The following LUZP1 variants were observed in gnomAD, a reference collection of about 807,000 sequenced individuals.
LUZP1 encodes leucine zipper protein 1.
Under a neutral mutation model 71.3 loss-of-function variants are expected in LUZP1, and 25 were observed. The ratio of observed to expected loss-of-function variants is 0.35; its 90% CI spans 0.26 to 0.49. The LOEUF is 0.49. Ranked by LOEUF, LUZP1 falls within the 20% of genes least tolerant of loss-of-function variation. LUZP1 has a pLI of 0.99. For synonymous variants in LUZP1, 481 were observed against 506.4 expected, an observed-to-expected ratio of 0.95 and a Z score of 0.67; for missense variants, 1,142 against 1,300.8, an observed-to-expected ratio of 0.88 and a Z score of 1.88.
chr1:23,159,340 C>CA (rs1007804194), intron 2 of LUZP1, among the ~76,000 whole-genome samples: 43 of 145,980 alleles, frequency 2.9e-4, no homozygotes, highest in Non-Finnish European at 4.2e-4. Context: ...GACTCTGTCT[C>CA]AAAAAAAAAA....
chr1:23,172,735 G>A (rs1015287679), intron 1 of LUZP1, among the ~76,000 whole-genome samples: 8 of 151,840 alleles, frequency 5.3e-5, no homozygotes, highest in East Asian at 3.9e-4. Flanking sequence ...GGCTGGTCTC[G>A]AATGCCTGGG....
chr1:23,108,115 C>CTCTT (rs1643998380), intron 3 of LUZP1, among the ~76,000 whole-genome samples: 1 of 152,228 alleles, frequency 6.6e-6, no homozygotes, highest in Non-Finnish European at 1.5e-5. Flanking sequence ...TCACTTCTAT[C>CTCTT]TCTTCTATTT....
intron 2 of LUZP1, among the ~76,000 whole-genome samples, chr1:23,119,970 C>T (rs916566694): frequency 1.3e-5 from 2 of 151,298 alleles, no homozygotes; most frequent in South Asian, 4.2e-4. Flanking sequence ...AAGACAGAGT[C>T]GTGCTCTGTC....
intron 2 of LUZP1, among the ~76,000 whole-genome samples, chr1:23,162,188 C>T (rs1239161794): frequency 6.6e-6 from 1 of 151,620 alleles, no homozygotes; most frequent in Non-Finnish European, 1.5e-5. Context: ...AAAAAAAGAG[C>T]AAAATAATCT....
intron 2 of LUZP1, among the ~76,000 whole-genome samples, chr1:23,110,694 CA>C (rs2124640566): frequency 6.6e-6 from 1 of 151,870 alleles, no homozygotes; most frequent in South Asian, 2.1e-4. Flanking sequence ...TCCCAGAGAG[CA>C]AGGCGGCTAG....
chr1:23,126,738 T>C (rs1644175124), intron 2 of LUZP1, among the ~76,000 whole-genome samples: 1 of 152,222 alleles, frequency 6.6e-6, no homozygotes, highest in Non-Finnish European at 1.5e-5. Flanking sequence ...CCTTTCATCC[T>C]GGATGGCCAT....
At chr1:23,092,371 C>T (rs1342932044) in exon 4 of LUZP1, 3 of 1,614,208 alleles carry the variant, frequency 1.9e-6, no homozygotes, top group Non-Finnish European at 2.5e-6. Context: ...ACAACTGCTG[C>T]AGGTTGATTA....
At position 23,094,447 on chromosome 1, in the gene LUZP1, T is replaced by C. The variant is rs751623684; in HGVS notation, c.-119-67A>G. The C allele has an allele frequency of 3.2e-5, 39 of 1,217,972 alleles. No individual in the cohort carries two copies. The highest frequency in any genetic ancestry group is 1.1e-4 in the Admixed American group (3 of 28,376). The allele number at this position is 1,217,972 out of a possible 1,614,324, so 75.4% of individuals were successfully genotyped here. A position where few individuals can be genotyped will look rare whatever the true frequency, so the allele number is the denominator to read the frequency against. ...AAACCTGCACGTTAGCTCCCAGTTA[T>C]AGAAAAGTGCTCCTATCTGTTCCTG... On this transcript the variant is annotated intron_variant, in intron 3 of 4. Coordinates refer to ENST00000302291, the Ensembl canonical transcript of LUZP1. The surrounding 1 kb of genome is among the most constrained non-coding windows in gnomAD (Gnocchi z 4.7).
In LUZP1 at chr1:23,170,325, C is replaced by G. The variant is rs549525580; in HGVS notation, c.-484-1301G>C. On this transcript the variant is annotated intron_variant, in intron 1 of 4. Transcript: ENST00000302291. ...GCCATCTCTGAGCCTGTCTTCTCAT[C>G]TATAAAATGGGGATAATAATATAGT... Among the ~76,000 whole-genome samples the G allele has an allele frequency of 2.6e-5, 4 of 152,206 alleles. No individual in the cohort carries two copies. In the South Asian group the frequency reaches 8.3e-4, roughly 32 times the overall value.
At chr1:23,119,778 T>G (rs2124663666) in intron 2 of LUZP1, among the ~76,000 whole-genome samples, 1 of 152,304 alleles carries the variant, frequency 6.6e-6, no homozygotes, top group Non-Finnish European at 1.5e-5. Context: ...TACTGAAAAT[T>G]ATAAGTGCCT....
intron 2 of LUZP1, among the ~76,000 whole-genome samples, chr1:23,119,425 A>G (rs1644113157): frequency 1.3e-5 from 2 of 151,922 alleles, no homozygotes; most frequent in Non-Finnish European, 1.5e-5. Context: ...AAGTATGACA[A>G]CTCAGATCTT....
chr1:23,095,900 A>C (rs1017481030), intron 3 of LUZP1, among the ~76,000 whole-genome samples: 6 of 152,168 alleles, frequency 3.9e-5, no homozygotes, highest in Non-Finnish European at 8.8e-5. Flanking sequence ...CTGAGCAAAC[A>C]AAAGTACTCT....
intron 2 of LUZP1, among the ~76,000 whole-genome samples, chr1:23,168,167 C>G (rs1569717777): frequency 1.4e-5 from 2 of 142,976 alleles, no homozygotes; most frequent in Admixed American, 1.4e-4. Context: ...GCCCGGCCCG[C>G]GGCCCGCGCC....
chr1:23,146,523 T>C (rs1400412358), intron 2 of LUZP1, among the ~76,000 whole-genome samples: 1 of 152,130 alleles, frequency 6.6e-6, no homozygotes, highest in Non-Finnish European at 1.5e-5. Context: ...GGGACCCCCA[T>C]GCGGTGCCTC....
At chr1:23,160,981 T>A (rs1055006417) in intron 2 of LUZP1, among the ~76,000 whole-genome samples, 1 of 152,200 alleles carries the variant, frequency 6.6e-6, no homozygotes, top group African/African-American at 2.4e-5. Flanking sequence ...TGCAAAACCA[T>A]GATAGACTTC....
chr1:23,137,931 G>C (rs968834145), intron 2 of LUZP1, among the ~76,000 whole-genome samples: 1 of 152,186 alleles, frequency 6.6e-6, no homozygotes, highest in Non-Finnish European at 1.5e-5. Flanking sequence ...ATTGAAAAAT[G>C]TCCATCAACT....
At chr1:23,169,638 T>C (rs1390010604) in intron 1 of LUZP1, among the ~76,000 whole-genome samples, 1 of 152,062 alleles carries the variant, frequency 6.6e-6, no homozygotes, top group Non-Finnish European at 1.5e-5. Flanking sequence ...GATCTCAAAA[T>C]CCCCTCCCAT....
chr1:23,177,166 C>T (rs1438007334), intron 1 of LUZP1, among the ~76,000 whole-genome samples: 1 of 152,160 alleles, frequency 6.6e-6, no homozygotes, highest in Non-Finnish European at 1.5e-5. Context: ...GGTGGGATTA[C>T]AGGCATGAGC....
intron 2 of LUZP1, among the ~76,000 whole-genome samples, chr1:23,110,560 A>C (rs2124639872): frequency 6.6e-6 from 1 of 151,086 alleles, no homozygotes; most frequent in East Asian, 1.9e-4. Flanking sequence ...CTTTAATCCA[A>C]CTTCCACACC....
Sources: allele counts gnomAD v4.1 joint callset (sites outside exome capture counted in the v4.1 genomes callset), GRCh38; gene constraint gnomAD v4.1.1; non-coding constraint Gnocchi (gnomAD v3.1); transcripts MANE v1.5; gene names NCBI Gene and HGNC (gene_info 2026-07-23, HGNC 2026-07-21).